KCND2: variants seen among roughly 807,000 people sequenced by gnomAD.
The protein encoded by KCND2 is potassium voltage-gated channel subfamily D member 2, also known as A-type voltage-gated potassium channel KCND2.
Under a neutral mutation model 54.4 loss-of-function variants are expected in KCND2, and 16 were observed. That is an observed-to-expected ratio of 0.29 (90% CI 0.20 to 0.45). The LOEUF is 0.45. Among genes scored for constraint, KCND2 ranks in the 20% least tolerant of loss-of-function variants. The probability of loss-of-function intolerance (pLI) is 1.00; values close to 1 mark genes in which losing one functional copy is unlikely to be tolerated. For missense variants in KCND2, 486 were observed against 824.2 expected (o/e 0.59, Z 5.02); for synonymous variants, 317 against 310.7 (o/e 1.02, Z -0.21).
At chr7:120,494,984 A>C (rs1352386588) in intron 1 of KCND2, among the ~76,000 whole-genome samples, 1 of 152,190 alleles carries the variant, frequency 6.6e-6, no homozygotes, top group South Asian at 2.1e-4. Flanking sequence ...ATAAATAGCC[A>C]TGGAGTGTAT....
chr7:120,324,850 G>A (rs1799950114), intron 1 of KCND2, among the ~76,000 whole-genome samples: 1 of 148,628 alleles, frequency 6.7e-6, no homozygotes, highest in African/African-American at 2.5e-5. Context: ...GGCATTGGTA[G>A]CTTGATGGGG....
intron 1 of KCND2, among the ~76,000 whole-genome samples, chr7:120,281,208 C>G (rs774782417): frequency 6.6e-6 from 1 of 152,098 alleles, no homozygotes; most frequent in Non-Finnish European, 1.5e-5. Flanking sequence ...AATAAACATT[C>G]ACTGAAAAGG....
intron 1 of KCND2, among the ~76,000 whole-genome samples, chr7:120,348,938 A>G (rs187309652): frequency 7.2e-5 from 11 of 152,264 alleles, no homozygotes; most frequent in Admixed American, 6.5e-4. Flanking sequence ...GCACATAAGT[A>G]GCTTACCTAG....
intron 1 of KCND2, among the ~76,000 whole-genome samples, chr7:120,729,566 T>C (rs1366381676): frequency 1.3e-5 from 2 of 152,156 alleles, no homozygotes; most frequent in East Asian, 1.9e-4. Context: ...TCTCTTACCA[T>C]CTCCTCTGCT....
chr7:120,482,162 G>T (rs113085224), intron 1 of KCND2, among the ~76,000 whole-genome samples: 7 of 152,176 alleles, frequency 4.6e-5, no homozygotes, highest in Non-Finnish European at 7.4e-5. Context: ...AAGCTTTAAT[G>T]TTGTTTTTCC....
At chr7:120,634,901 A>G (rs1793285059) in intron 1 of KCND2, among the ~76,000 whole-genome samples, 1 of 152,138 alleles carries the variant, frequency 6.6e-6, no homozygotes, top group African/African-American at 2.4e-5. Context: ...TCTAGATGTC[A>G]GCAATTCCCA....
chr7:120,638,071 G>A (rs1793326651), intron 1 of KCND2, among the ~76,000 whole-genome samples: 2 of 152,112 alleles, frequency 1.3e-5, no homozygotes, highest in African/African-American at 4.8e-5. Context: ...CGAGAAAGTG[G>A]CTGCAGTAAA....
At chr7:120,682,714 C>CGTTGA (rs1792154699) in intron 1 of KCND2, among the ~76,000 whole-genome samples, 1 of 152,210 alleles carries the variant, frequency 6.6e-6, no homozygotes, top group African/African-American at 2.4e-5. Context: ...ATTACACATT[C>CGTTGA]GTTGAAATGC....
intron 1 of KCND2, among the ~76,000 whole-genome samples, chr7:120,329,525 A>T (rs887650811): frequency 2.0e-5 from 3 of 152,170 alleles, no homozygotes; most frequent in African/African-American, 7.2e-5. Flanking sequence ...GATAAATTTA[A>T]TACATTTTGA....
intron 1 of KCND2, among the ~76,000 whole-genome samples, chr7:120,433,380 G>C (rs1801821321): frequency 6.6e-6 from 1 of 152,178 alleles, no homozygotes. Context: ...AGCTCTCTCT[G>C]TCTCCTATTA....
chr7:120,348,352 C>T (rs928448747), intron 1 of KCND2, among the ~76,000 whole-genome samples: 1 of 152,088 alleles, frequency 6.6e-6, no homozygotes, highest in Non-Finnish European at 1.5e-5. Flanking sequence ...CATGATAGAA[C>T]TTTAAGCAGT....
chr7:120,409,192 C>A (rs1801411053), intron 1 of KCND2, among the ~76,000 whole-genome samples: 1 of 151,898 alleles, frequency 6.6e-6, no homozygotes, highest in South Asian at 2.1e-4. Context: ...TCTTAGTTGG[C>A]TTTATAGCAT....
chr7:120,354,649 G>A (rs759149609), intron 1 of KCND2, among the ~76,000 whole-genome samples: 4 of 152,208 alleles, frequency 2.6e-5, no homozygotes, highest in Non-Finnish European at 4.4e-5. Context: ...TTGAGGGGGA[G>A]GTGAGGTGGG....
intron 2 of KCND2, among the ~76,000 whole-genome samples, chr7:120,736,887 G>A (rs756964027): frequency 1.3e-4 from 20 of 151,674 alleles, no homozygotes; most frequent in Non-Finnish European, 2.9e-4. Flanking sequence ...GCAGTGAGAA[G>A]TTTAGAATCA....
intron 1 of KCND2, among the ~76,000 whole-genome samples, chr7:120,677,029 C>G (rs1201239506): frequency 6.6e-6 from 1 of 151,892 alleles, no homozygotes; most frequent in Non-Finnish European, 1.5e-5. Context: ...TGGGTAATAC[C>G]CACGAAAAAT....
At chr7:120,672,652 T>G (rs1792006103) in intron 1 of KCND2, among the ~76,000 whole-genome samples, 1 of 152,126 alleles carries the variant, frequency 6.6e-6, no homozygotes. Flanking sequence ...ACAACTATAG[T>G]CAATGAGCCA....
At chr7:120,704,473 A>T (rs1792441369) in intron 1 of KCND2, among the ~76,000 whole-genome samples, 1 of 152,142 alleles carries the variant, frequency 6.6e-6, no homozygotes, top group South Asian at 2.1e-4. Context: ...TTTTCTTCAA[A>T]GGCAATTCCT....
intron 1 of KCND2, among the ~76,000 whole-genome samples, chr7:120,583,466 C>G (rs924838784): frequency 6.6e-6 from 1 of 152,032 alleles, no homozygotes; most frequent in Non-Finnish European, 1.5e-5. Flanking sequence ...GTACCATATA[C>G]TGGGTACTAT....
At chr7:120,414,610 T>C (rs1244157667) in intron 1 of KCND2, among the ~76,000 whole-genome samples, 1 of 152,146 alleles carries the variant, frequency 6.6e-6, no homozygotes, top group Non-Finnish European at 1.5e-5. Flanking sequence ...TCAGTACTTA[T>C]CAAATGTCAT....
Sources: allele counts gnomAD v4.1 joint callset (sites outside exome capture counted in the v4.1 genomes callset), GRCh38; gene constraint gnomAD v4.1.1; transcripts MANE v1.5; gene names NCBI Gene and HGNC (gene_info 2026-07-23, HGNC 2026-07-21).